USP38: variants seen among roughly 807,000 people sequenced by gnomAD.
The protein encoded by USP38 is ubiquitin carboxyl-terminal hydrolase 38.
A neutral mutation model predicts 94.3 loss-of-function variants in USP38; 49 were observed. That is an observed-to-expected ratio of 0.52 (90% CI 0.41 to 0.66). The LOEUF (loss-of-function observed/expected upper bound fraction) is 0.66. USP38 is among the 30% of genes least tolerant of loss of function. The pLI, the probability that USP38 is intolerant of heterozygous loss-of-function variation, is 0.00. For synonymous variants in USP38, 468 were observed against 463.6 expected (o/e 1.01, Z -0.12); for missense variants, 1,128 against 1,229.4 (o/e 0.92, Z 1.23).
In USP38 at chr4:143,197,976, T is replaced by C. The variant is rs755732818; in HGVS notation, c.1050+52T>C. 6.1e-6 allele frequency: 8 copies of C among 1,320,310 alleles called. No individual in the cohort carries two copies. In the South Asian group the frequency reaches 9.1e-5, roughly 15 times the overall value. 81.8% of individuals were successfully genotyped at this position (1,320,310 alleles called of 1,614,324 possible). ...TTGAAAAAGCCTCAATTTGAAAATT[T>C]AGTTTAATATTGAGTCACATTTTTA... On this transcript the variant is annotated intron_variant, in intron 4 of 9. Transcript: ENST00000307017.
chr4:143,213,864 T>A lies in USP38; in HGVS notation c.1888T>A (p.Ser630Thr). Reference protein sequence around the residue: ...FCPSSSLENMSVQDPASSPSI... With the variant: ...FCPSSSLENMTVQDPASSPSI... ...TCCTTCCTCTTCTTTGGAAAACATG[T>A]CTGTCCAAGATCCAGCATCATCACC... Residue 630 changes from serine to threonine, a missense_variant, in exon 9 of 10, where the codon TCT becomes ACT. Ser to Thr is a moderately conservative substitution (Grantham distance 58, BLOSUM62 1). Coordinates refer to ENST00000307017, the MANE Select transcript of USP38 (RefSeq NM_032557.6). 6.2e-7 allele frequency: 1 copy of A among 1,613,860 alleles called. No homozygotes were observed. The highest frequency in any genetic ancestry group is 8.5e-7 in the Non-Finnish European group (1 of 1,179,836).
At chr4:143,220,194 T>C (rs1732286396) in intron 9 of USP38, 101 bp from the exon 10 acceptor site, 2 of 1,221,572 alleles carry the variant, frequency 1.6e-6, no homozygotes, top group Non-Finnish European at 2.1e-6. Flanking sequence ...ATTTGAAGAA[T>C]GTTTATAAGG....
rs757768671 is a variant in USP38, at chr4:143,213,799, A to T, written c.1823A>T (p.Gln608Leu). The T allele has an allele frequency of 6.8e-6, 11 of 1,613,794 alleles. No homozygotes were observed. Among genetic ancestry groups the T allele is most frequent in the Non-Finnish European group, 8.5e-6 (10 of 1,179,842 alleles). The change falls in exon 9 of 10, where the codon CAA becomes CTA. Residue 608 changes from glutamine (Q) to leucine (L), a missense_variant. By Grantham distance (113) the Gln-to-Leu change is moderately radical (BLOSUM62 -2). Coordinates refer to ENST00000307017, the MANE Select transcript of USP38 (RefSeq NM_032557.6). The part of the protein sequence containing the change: ...IRCLNCRSTS[Q>L]KVEAFTDLSL... Reference sequence around the variant, plus strand: ...TGTTTGAACTGCAGGAGTACCTCACAAAAAGTGGAAGCCTTTACAGATCTT... The same window carrying T: ...TGTTTGAACTGCAGGAGTACCTCACTAAAAGTGGAAGCCTTTACAGATCTT...
chr4:143,212,238 A>G, intron 7 of USP38, 80 bp from the exon 8 acceptor site: 1 of 1,148,912 alleles, frequency 8.7e-7, no homozygotes. Context: ...CCTTTATTAA[A>G]CACTGTATAT....
chr4:143,213,791 T>G lies in USP38; in HGVS notation c.1815T>G (p.Ser605Arg). ...RTHIRCLNCR[S>R]TSQKVEAFTD... Reference sequence around the variant, plus strand: ...ACATACGTTGTTTGAACTGCAGGAGTACCTCACAAAAAGTGGAAGCCTTTA... The same window carrying G: ...ACATACGTTGTTTGAACTGCAGGAGGACCTCACAAAAAGTGGAAGCCTTTA... Residue 605 changes from serine (S) to arginine (R), a missense_variant, in exon 9 of 10, where the codon AGT (serine) becomes AGG (arginine). Coordinates refer to ENST00000307017, the MANE Select transcript of USP38 (RefSeq NM_032557.6). 6.2e-7 allele frequency: 1 copy of G among 1,613,700 alleles called. No homozygotes were observed. The highest frequency in any genetic ancestry group is 1.1e-5 in the South Asian group (1 of 91,060).
Position 143,186,116 on chromosome 4 carries a change from A to G in USP38, c.666A>G (p.Ala222=). The G allele has an allele frequency of 6.2e-7, 1 of 1,614,072 alleles. No homozygotes were observed. Among genetic ancestry groups the G allele is most frequent in the East Asian group, 2.2e-5 (1 of 44,876 alleles). Residue 222 remains alanine (A), a synonymous_variant, in exon 1 of 10, where the codon GCA becomes GCG. Coordinates refer to ENST00000307017, the MANE Select transcript of USP38 (RefSeq NM_032557.6). The stretch of plus-strand genomic sequence containing the variant: ...TGCCTTCCCTGCAAGAAGTTTTTGC[A>G]AGCATCTCTTCCACAGGTAAGGGTC... ...TLLPSLQEVF[A]SISSTDASFE...
chr4:143,202,459 A>G (rs1390079740), intron 4 of USP38, among the ~76,000 whole-genome samples: 2 of 152,134 alleles, frequency 1.3e-5, no homozygotes, highest in Non-Finnish European at 2.9e-5. Flanking sequence ...AGCAACCCCA[A>G]AATGTTCTAC....
chr4:143,195,911 G>T, intron 3 of USP38, 66 bp downstream of exon 3: 2 of 1,417,960 alleles, frequency 1.4e-6, no homozygotes, highest in Non-Finnish European at 1.9e-6. Flanking sequence ...TTTTCTTTGG[G>T]TGGTATCCTT....
chr4:143,218,612 G>A (rs1481328795), intron 9 of USP38, among the ~76,000 whole-genome samples: 1 of 151,862 alleles, frequency 6.6e-6, no homozygotes, highest in Admixed American at 6.6e-5. Flanking sequence ...AGGTTTCATG[G>A]GTACAGATGC....
intron 9 of USP38, among the ~76,000 whole-genome samples, chr4:143,218,085 C>T (rs374590163): frequency 3.3e-5 from 5 of 152,078 alleles, no homozygotes; most frequent in African/African-American, 1.2e-4. Context: ...AGCCACAGAC[C>T]ACTTCCCATC....
intron 2 of USP38, among the ~76,000 whole-genome samples, chr4:143,194,082 G>A (rs533041731): frequency 1.3e-5 from 2 of 152,196 alleles, no homozygotes; most frequent in Admixed American, 1.3e-4. Flanking sequence ...GAGCGAGACT[G>A]TGTCTCAAAA....
At chr4:143,200,700 T>TA (rs1262463867) in intron 4 of USP38, among the ~76,000 whole-genome samples, 5 of 152,122 alleles carry the variant, frequency 3.3e-5, no homozygotes, top group Non-Finnish European at 5.9e-5. Flanking sequence ...GAAGTTAATG[T>TA]AAAAAAATCA....
chr4:143,191,814 A>G (rs1480917261), intron 2 of USP38, among the ~76,000 whole-genome samples: 1 of 152,248 alleles, frequency 6.6e-6, no homozygotes, highest in Non-Finnish European at 1.5e-5. Flanking sequence ...ATAGTAAGAT[A>G]TTAAATCAGT....
At position 143,214,774 on chromosome 4, in the gene USP38, C is replaced by G. The variant is rs1166573809; in HGVS notation, c.2798C>G (p.Thr933Arg). Residue 933 changes from threonine (T) to arginine (R), a missense_variant, in exon 9 of 10, where the codon ACG becomes AGG. Thr to Arg is a moderately conservative substitution (Grantham distance 71, BLOSUM62 -1). Coordinates refer to ENST00000307017, the MANE Select transcript of USP38 (RefSeq NM_032557.6). ...TCATTTCAGTCAGTCCAGAAAATTA[C>G]GAGCAGGTTTCCAAAGGACACAGCT... The part of the protein sequence containing the change: ...FTSFQSVQKI[T>R]SRFPKDTAYV... 1 of 1,613,670 alleles carries G rather than the reference C, an allele frequency of 6.2e-7. No individual in the cohort carries two copies. Among genetic ancestry groups the G allele is most frequent in the Non-Finnish European group, 8.5e-7 (1 of 1,179,772 alleles).
chr4:143,207,999 A>G (rs555268822), intron 6 of USP38, among the ~76,000 whole-genome samples: 1 of 152,318 alleles, frequency 6.6e-6, no homozygotes, highest in Admixed American at 6.5e-5. Context: ...ATTTGTTAAC[A>G]GTTACGTTGT....
At chr4:143,204,711 T>C (rs1233378209) in intron 5 of USP38, among the ~76,000 whole-genome samples, 1 of 152,186 alleles carries the variant, frequency 6.6e-6, no homozygotes, top group Non-Finnish European at 1.5e-5. Context: ...TGTTGAAGAC[T>C]GGATCACAAT....
chr4:143,209,541 T>A (rs1731964627), intron 6 of USP38, 23 bp from the exon 7 acceptor site: 1 of 1,407,810 alleles, frequency 7.1e-7, no homozygotes, highest in African/African-American at 1.4e-5. Context: ...CACATATATA[T>A]AAATCATTAT....
chr4:143,187,895 T>TTC lies in USP38; in HGVS notation c.755_756dup (p.Ile253SerfsTer11). 1.2e-6 allele frequency: 2 copies of TTC among 1,613,854 alleles called. No individual in the cohort carries two copies. The highest frequency in any genetic ancestry group is 1.7e-6 in the Non-Finnish European group (2 of 1,179,792). ...CATATTCCTCTTCAGATGATTACAG[T>TTC]TCTCATCAGGAGCCTTACTACGGAT... On this transcript the variant is annotated frameshift_variant, in exon 2 of 10. Transcript: ENST00000307017. LOFTEE classifies it high-confidence loss of function.
At chr4:143,196,111 G>C (rs2149606091) in intron 3 of USP38, among the ~76,000 whole-genome samples, 1 of 152,192 alleles carries the variant, frequency 6.6e-6, no homozygotes, top group South Asian at 2.1e-4. Flanking sequence ...TTCAAGACCA[G>C]CCTGGCCAAC....
Sources: gnomAD v4.1 joint callset for allele counts (sites outside exome capture counted in the v4.1 genomes callset) on GRCh38, gnomAD v4.1.1 for gene constraint, MANE v1.5 for transcripts, NCBI Gene and HGNC (gene_info 2026-07-23, HGNC 2026-07-21) for gene names.